The following L3MBTL3 variants were observed in gnomAD, a reference collection of about 807,000 sequenced individuals.
The protein encoded by L3MBTL3 is lethal(3)malignant brain tumor-like protein 3.
In L3MBTL3, 27 loss-of-function variants were observed where a neutral mutation model predicts 102.3. That is an observed-to-expected ratio of 0.26 (90% CI 0.19 to 0.36). L3MBTL3 has a LOEUF of 0.36. L3MBTL3 is among the 10% of genes least tolerant of loss of function. The pLI is 1.00. For missense variants in L3MBTL3, 798 were observed against 955.3 expected (o/e 0.84, Z 2.17); for synonymous variants, 340 against 320.9 (o/e 1.06, Z -0.64).
intron 1 of L3MBTL3, 93 bp downstream of exon 1, chr6:130,018,757 G>A (rs944665807): frequency 1.3e-5 from 2 of 152,306 alleles, no homozygotes; most frequent in Admixed American, 6.5e-5. Flanking sequence ...GAGGATGAAA[G>A]TTAAGAGCCC....
At chr6:130,107,266 T>C (rs1458329642) in intron 19 of L3MBTL3, among the ~76,000 whole-genome samples, 2 of 152,222 alleles carry the variant, frequency 1.3e-5, no homozygotes, top group South Asian at 2.1e-4. Context: ...AGTTTTAATA[T>C]GTAGGAAATG....
At chr6:130,022,958 T>C (rs1400505948) in intron 2 of L3MBTL3, among the ~76,000 whole-genome samples, 2 of 152,342 alleles carry the variant, frequency 1.3e-5, no homozygotes, top group Non-Finnish European at 2.9e-5. Flanking sequence ...CAGGTCCTTC[T>C]TTTAGGGCAA....
chr6:130,099,689 GA>G (rs1451283115), intron 18 of L3MBTL3, among the ~76,000 whole-genome samples: 6 of 152,158 alleles, frequency 3.9e-5, no homozygotes, highest in African/African-American at 1.4e-4. Flanking sequence ...ATGAAATAGT[GA>G]AATACTTGAC....
chr6:130,104,381 A>C, intron 18 of L3MBTL3, 45 bp from the exon 19 acceptor site: 1 of 1,401,150 alleles, frequency 7.1e-7, no homozygotes. Context: ...GGCCTAATGG[A>C]AATGTTCAAT....
chr6:130,049,883 C>T, intron 5 of L3MBTL3, 53 bp downstream of exon 5: 2 of 1,560,380 alleles, frequency 1.3e-6, no homozygotes, highest in Non-Finnish European at 8.7e-7. Context: ...TTTCTTTCTC[C>T]CCTCCCCACA....
chr6:130,069,392 T>C (rs1040155304), intron 12 of L3MBTL3, among the ~76,000 whole-genome samples: 16 of 152,350 alleles, frequency 1.1e-4, no homozygotes, highest in African/African-American at 2.2e-4. Flanking sequence ...TGTTAACCAG[T>C]TGGTTTGAGA....
At chr6:130,049,900 C>T in intron 5 of L3MBTL3, 70 bp downstream of exon 5, 1 of 1,533,634 alleles carries the variant, frequency 6.5e-7, no homozygotes, top group East Asian at 2.3e-5. Context: ...CACAAACCTG[C>T]TCTTTCTTCC....
At chr6:130,093,051 A>G (rs1784155285) in intron 17 of L3MBTL3, among the ~76,000 whole-genome samples, 192 bp downstream of exon 17, 1 of 152,228 alleles carries the variant, frequency 6.6e-6, no homozygotes, top group African/African-American at 2.4e-5. Context: ...TAATGCCTGA[A>G]AAAGTAAAGC....
At chr6:130,108,384 G>A (rs1054501086) in intron 19 of L3MBTL3, among the ~76,000 whole-genome samples, 7 of 151,844 alleles carry the variant, frequency 4.6e-5, no homozygotes, top group Non-Finnish European at 8.8e-5. Flanking sequence ...ACAGGCGTGT[G>A]CCACCACGCC....
rs1787492542 is a variant in L3MBTL3 at position 130,135,088 on chromosome 6, T to TTTG, written c.2199+1185_2199+1186insGTT. On this transcript the variant is annotated intron_variant, in intron 22 of 22. Coordinates refer to ENST00000361794, the MANE Select transcript of L3MBTL3 (RefSeq NM_032438.4). ...TTTTTTCCTTTTTTTTTTTTTTTTT[T>TTTG]TTAAATCGAGATGGAGTCTTGCTCT... 2.7e-5 allele frequency among the ~76,000 whole-genome samples: 4 copies of TTTG among 150,516 alleles called. No individual in the cohort carries two copies. The South Asian group carries it at 8.4e-4, about 32-fold the overall frequency.
At chr6:130,095,355 C>G (rs889707654) in intron 18 of L3MBTL3, among the ~76,000 whole-genome samples, 1 of 152,128 alleles carries the variant, frequency 6.6e-6, no homozygotes, top group African/African-American at 2.4e-5. Context: ...TCTGCAACCT[C>G]AAATCTTCCT....
intron 2 of L3MBTL3, among the ~76,000 whole-genome samples, chr6:130,036,829 G>A (rs996928047): frequency 2.0e-5 from 3 of 152,192 alleles, no homozygotes; most frequent in African/African-American, 4.8e-5. Context: ...GTTCTGAGGT[G>A]TACCATATTC....
intron 18 of L3MBTL3, among the ~76,000 whole-genome samples, chr6:130,097,261 C>G (rs1225312739): frequency 1.3e-5 from 2 of 152,170 alleles, no homozygotes; most frequent in African/African-American, 4.8e-5. Context: ...TTCACTGGCT[C>G]TTACTTTTGT....
intron 2 of L3MBTL3, among the ~76,000 whole-genome samples, chr6:130,034,981 G>A (rs932716715): frequency 5.3e-5 from 8 of 152,158 alleles, no homozygotes; most frequent in African/African-American, 1.9e-4. Context: ...TAGTTAACGA[G>A]TACTAGTTAA....
At chr6:130,041,234 C>A (rs536184984) in intron 2 of L3MBTL3, among the ~76,000 whole-genome samples, 1 of 152,262 alleles carries the variant, frequency 6.6e-6, no homozygotes, top group East Asian at 1.9e-4. Flanking sequence ...TATAAATAGA[C>A]TTGATCAGAT....
At chr6:130,023,403 A>G (rs189241871) in intron 2 of L3MBTL3, among the ~76,000 whole-genome samples, 104 of 152,336 alleles carry the variant, frequency 6.8e-4, no homozygotes, top group Admixed American at 3.8e-3. Context: ...GGTCCTGCAG[A>G]CAACTAGGGT....
intron 1 of L3MBTL3, chr6:130,019,426 A>AGAGC (rs1296295897): frequency 4.0e-5 from 6 of 151,258 alleles, no homozygotes; most frequent in South Asian, 2.1e-4. Context: ...CGCGCACCGG[A>AGAGC]GAGCGAGCGA....
intron 19 of L3MBTL3, among the ~76,000 whole-genome samples, chr6:130,117,802 T>A (rs1225745305): frequency 6.6e-6 from 1 of 151,018 alleles, no homozygotes; most frequent in African/African-American, 2.4e-5. Flanking sequence ...AAGGCTAAAG[T>A]GACCCACCTG....
chr6:130,138,014 G>T (rs1448524454), intron 22 of L3MBTL3: 2 of 152,154 alleles, frequency 1.3e-5, no homozygotes, highest in Middle Eastern at 3.2e-3. Context: ...ACAACAGCAG[G>T]ATGTCTTTTT....
Sources: gnomAD v4.1 joint callset for allele counts (sites outside exome capture counted in the v4.1 genomes callset) on GRCh38, gnomAD v4.1.1 for gene constraint, MANE v1.5 for transcripts, NCBI Gene and HGNC (gene_info 2026-07-23, HGNC 2026-07-21) for gene names.